SLC24A2: variants seen among roughly 807,000 people sequenced by gnomAD.
SLC24A2 encodes the protein sodium/potassium/calcium exchanger 2.
Under a neutral mutation model 62.0 loss-of-function variants are expected in SLC24A2, and 36 were observed. The observed-to-expected ratio is 0.58, with a 90% CI of 0.44 to 0.77. The LOEUF is 0.77. SLC24A2 is among the 30% of genes least tolerant of loss of function. The pLI, the probability that SLC24A2 is intolerant of heterozygous loss-of-function variation, is 0.00. For missense variants in SLC24A2, 846 were observed against 817.9 expected (o/e 1.03, Z -0.42); for synonymous variants, 358 against 294.0 (o/e 1.22, Z -2.23).
At chr9:20,137,126 G>C in the SLC24A2 span, among the ~76,000 whole-genome samples, 1 of 152,090 alleles carries the variant, frequency 6.6e-6, no homozygotes, top group African/African-American at 2.4e-5. Flanking sequence ...CACCCACAAA[G>C]AGTAACACAC....
At chr9:20,205,210 G>A in the SLC24A2 span, among the ~76,000 whole-genome samples, 2 of 151,962 alleles carry the variant, frequency 1.3e-5, no homozygotes, top group Admixed American at 6.6e-5. Flanking sequence ...GGGAGTACAC[G>A]CAAAGCATTT....
chr9:19,829,804 TATATATACACACACACAC>T, the SLC24A2 span, among the ~76,000 whole-genome samples: 8 of 43,452 alleles, frequency 1.8e-4, no homozygotes, highest in African/African-American at 4.7e-4. Flanking sequence ...TGTGTATATA[TATATATACACACACACAC>T]ACACACACAC....
At chr9:19,952,577 TA>T in the SLC24A2 span, among the ~76,000 whole-genome samples, 2 of 151,962 alleles carry the variant, frequency 1.3e-5, no homozygotes, top group Non-Finnish European at 2.9e-5. Context: ...TCTAACAAGA[TA>T]ATCACATATT....
chr9:19,801,342 G>A, the SLC24A2 span, among the ~76,000 whole-genome samples: 1 of 152,214 alleles, frequency 6.6e-6, no homozygotes, highest in Admixed American at 6.5e-5. Context: ...GAGTGGCAGT[G>A]GGTGCCTCGC....
the SLC24A2 span, among the ~76,000 whole-genome samples, chr9:20,137,488 G>C: frequency 1.3e-5 from 2 of 152,150 alleles, no homozygotes; most frequent in Admixed American, 6.5e-5. Flanking sequence ...TATAGTTTTT[G>C]TCCAAAATGT....
At chr9:20,242,652 C>T in the SLC24A2 span, among the ~76,000 whole-genome samples, 11 of 152,348 alleles carry the variant, frequency 7.2e-5, no homozygotes, top group East Asian at 1.9e-3. Flanking sequence ...CCAGCTCTGA[C>T]TCCGGGATGC....
the SLC24A2 span, among the ~76,000 whole-genome samples, chr9:20,086,094 C>T: frequency 2.0e-5 from 3 of 152,162 alleles, no homozygotes; most frequent in African/African-American, 7.2e-5. Context: ...ACTGTTGCTC[C>T]TCCCTCTCAG....
intron 7 of SLC24A2, among the ~76,000 whole-genome samples, chr9:19,557,814 CT>C (rs927387911): frequency 2.6e-3 from 356 of 138,972 alleles, no homozygotes; most frequent in Middle Eastern, 3.7e-3. Context: ...GCTCACATTT[CT>C]TTTTTTTTTT....
the SLC24A2 span, among the ~76,000 whole-genome samples, chr9:19,989,766 T>C: frequency 6.6e-6 from 1 of 152,222 alleles, no homozygotes; most frequent in African/African-American, 2.4e-5. Flanking sequence ...CAAATAAGCA[T>C]GCTAACCCTT....
At chr9:19,984,478 T>A in the SLC24A2 span, among the ~76,000 whole-genome samples, 1 of 152,074 alleles carries the variant, frequency 6.6e-6, no homozygotes, top group East Asian at 1.9e-4. Context: ...GGCCAAGGTA[T>A]GTAGATCATC....
the SLC24A2 span, among the ~76,000 whole-genome samples, chr9:20,242,530 A>T: frequency 1.3e-5 from 2 of 152,192 alleles, no homozygotes; most frequent in Non-Finnish European, 2.9e-5. Context: ...AGCTGTTCCC[A>T]AGTCAGGGCC....
chr9:19,967,798 C>T, the SLC24A2 span: 1 of 152,160 alleles, frequency 6.6e-6, no homozygotes, highest in Admixed American at 6.6e-5. Flanking sequence ...TGTCATTAGA[C>T]AAATGTTGCC....
the SLC24A2 span, among the ~76,000 whole-genome samples, chr9:19,876,782 T>G: frequency 2.0e-5 from 3 of 152,152 alleles, no homozygotes; most frequent in Non-Finnish European, 4.4e-5. Flanking sequence ...GAGTCATGTT[T>G]CCTTCCACAA....
At chr9:19,716,359 C>G (rs1459765365) in intron 2 of SLC24A2, among the ~76,000 whole-genome samples, 2 of 152,154 alleles carry the variant, frequency 1.3e-5, no homozygotes, top group East Asian at 3.9e-4. Context: ...TTATTTCATT[C>G]AGCATACTTA....
At chr9:19,937,301 G>A in the SLC24A2 span, among the ~76,000 whole-genome samples, 6 of 152,184 alleles carry the variant, frequency 3.9e-5, no homozygotes, top group Non-Finnish European at 7.3e-5. Context: ...AGAAGGCATG[G>A]AGAGATGATT....
At chr9:20,005,860 T>A in the SLC24A2 span, among the ~76,000 whole-genome samples, 1 of 120,024 alleles carries the variant, frequency 8.3e-6, no homozygotes. Context: ...CATTCCCTAC[T>A]CCATTAAAAA....
At chr9:19,672,018 T>G (rs942185622) in intron 2 of SLC24A2, among the ~76,000 whole-genome samples, 2 of 146,282 alleles carry the variant, frequency 1.4e-5, no homozygotes, top group African/African-American at 5.4e-5. Context: ...AATTTTCTTT[T>G]TTTTGTTACG....
chr9:19,828,484 C>A, the SLC24A2 span, among the ~76,000 whole-genome samples: 1 of 151,912 alleles, frequency 6.6e-6, no homozygotes, highest in Admixed American at 6.6e-5. Context: ...TAAAACAAAC[C>A]AAAAGAACCT....
At chr9:19,605,549 G>A (rs2099898464) in intron 4 of SLC24A2, among the ~76,000 whole-genome samples, 1 of 152,154 alleles carries the variant, frequency 6.6e-6, no homozygotes, top group African/African-American at 2.4e-5. Context: ...CTTATAGATA[G>A]GTATACCAGG....
Sources: allele counts gnomAD v4.1 joint callset (sites outside exome capture counted in the v4.1 genomes callset), GRCh38; gene constraint gnomAD v4.1.1; transcripts MANE v1.5; gene names NCBI Gene and HGNC (gene_info 2026-07-23, HGNC 2026-07-21).